Variants in SLCO4C1 observed in about 807,000 individuals in gnomAD.
SLCO4C1 encodes the protein organic anion transporter M1.
Under a neutral mutation model 72.1 loss-of-function variants are expected in SLCO4C1, and 58 were observed. The ratio of observed to expected loss-of-function variants is 0.80; its 90% confidence interval spans 0.65 to 1.00. The LOEUF (loss-of-function observed/expected upper bound fraction) is 1.00, where lower values mean the gene tolerates loss of function less well. Ranked by LOEUF, SLCO4C1 falls within the 50% of genes least tolerant of loss-of-function variation. SLCO4C1 has a pLI of 0.00. For missense variants in SLCO4C1, 898 were observed against 857.9 expected (o/e 1.05, Z -0.58); for synonymous variants, 297 against 312.5 (o/e 0.95, Z 0.52).
chr5:102,270,861 T>C, intron 2 of SLCO4C1, 55 bp from the exon 3 acceptor site: 3 of 1,358,198 alleles, frequency 2.2e-6, no homozygotes, highest in Non-Finnish European at 3.0e-6. Flanking sequence ...AATTTAAATT[T>C]CTATCATATA....
intron 2 of SLCO4C1, among the ~76,000 whole-genome samples, chr5:102,287,786 C>A (rs1222083541): frequency 6.6e-6 from 1 of 151,912 alleles, no homozygotes; most frequent in African/African-American, 2.4e-5. Flanking sequence ...GAACTCCTGA[C>A]CTTGTGATCC....
intron 9 of SLCO4C1, among the ~76,000 whole-genome samples, chr5:102,247,804 A>G (rs1044088756): frequency 5.3e-5 from 8 of 152,058 alleles, no homozygotes; most frequent in Admixed American, 2.0e-4. Context: ...CCATCCTTCC[A>G]TATCCTTTAT....
chr5:102,286,295 C>T (rs1285526313), intron 2 of SLCO4C1, among the ~76,000 whole-genome samples: 1 of 152,066 alleles, frequency 6.6e-6, no homozygotes, highest in Non-Finnish European at 1.5e-5. Flanking sequence ...AAGAGCTTTA[C>T]TAGGCTAAGT....
intron 8 of SLCO4C1, among the ~76,000 whole-genome samples, chr5:102,255,904 G>A (rs1483176200): frequency 6.6e-6 from 1 of 152,092 alleles, no homozygotes; most frequent in African/African-American, 2.4e-5. Flanking sequence ...AACAAATGTT[G>A]AACAAATGTA....
intron 6 of SLCO4C1, among the ~76,000 whole-genome samples, chr5:102,258,724 A>T (rs1019005336): frequency 2.0e-5 from 3 of 151,830 alleles, no homozygotes; most frequent in Non-Finnish European, 4.4e-5. Flanking sequence ...ATGCCAAAAA[A>T]TTTTTCATAA....
chr5:102,269,863 T>A (rs1413962574), intron 3 of SLCO4C1, among the ~76,000 whole-genome samples: 2 of 152,052 alleles, frequency 1.3e-5, no homozygotes, highest in African/African-American at 4.8e-5. Flanking sequence ...TAAGACATAT[T>A]CCTATAGATA....
At chr5:102,268,614 A>T (rs1749090018) in intron 3 of SLCO4C1, among the ~76,000 whole-genome samples, 1 of 152,082 alleles carries the variant, frequency 6.6e-6, no homozygotes, top group Non-Finnish European at 1.5e-5. Context: ...GTTATCATTG[A>T]TAATTGTTTT....
At position 102,290,900 on chromosome 5, in the gene SLCO4C1, G is replaced by A. The variant is rs138559826; in HGVS notation, c.619+443C>T. 3.3e-5 allele frequency among the ~76,000 whole-genome samples: 5 copies of A among 152,280 alleles called. No homozygotes were observed. In the East Asian group the frequency reaches 9.7e-4, roughly 29 times the overall value. ...TGTTTCTTATCTAGGTCCAAAAGTAGAGCTAGTTTCATTTCTTAGGAAAAT... is the reference window on the plus strand; with the variant it reads ...TGTTTCTTATCTAGGTCCAAAAGTAAAGCTAGTTTCATTTCTTAGGAAAAT... On this transcript the variant is annotated intron_variant, in intron 2 of 12. Transcript: ENST00000310954.
At chr5:102,274,284 T>G (rs1749206418) in intron 2 of SLCO4C1, among the ~76,000 whole-genome samples, 1 of 152,146 alleles carries the variant, frequency 6.6e-6, no homozygotes, top group Admixed American at 6.5e-5. Flanking sequence ...ACGTTGTTTA[T>G]AAATTTAGAG....
intron 8 of SLCO4C1, among the ~76,000 whole-genome samples, chr5:102,256,665 T>C (rs1748840862): frequency 1.3e-5 from 2 of 152,244 alleles, no homozygotes; most frequent in Non-Finnish European, 2.9e-5. Context: ...GTAGATACAA[T>C]AATGGTAAGT....
At chr5:102,249,862 A>G in intron 8 of SLCO4C1, 74 bp from the exon 9 acceptor site, 1 of 1,442,930 alleles carries the variant, frequency 6.9e-7, no homozygotes, top group Non-Finnish European at 9.5e-7. Context: ...GCACTGTTAT[A>G]TCTTACCATT....
intron 9 of SLCO4C1, among the ~76,000 whole-genome samples, chr5:102,248,271 T>C (rs1016053385): frequency 1.3e-5 from 2 of 152,132 alleles, no homozygotes; most frequent in Non-Finnish European, 2.9e-5. Context: ...GTATATTGCC[T>C]ATCTGAAATA....
chr5:102,236,979 A>T lies in SLCO4C1; in HGVS notation c.2054T>A (p.Phe685Tyr). ...AGGTGGTTTATACAAAAAGATTGCAAATCCATTGAAGAACATGGTGATAAC... is the reference window on the plus strand; with the variant it reads ...AGGTGGTTTATACAAAAAGATTGCATATCCATTGAAGAACATGGTGATAAC... ...CKVITMFFNG[F>Y]AIFLYKPPPS... Residue 685 changes from phenylalanine to tyrosine, a missense_variant, in exon 13 of 13, where the codon TTT becomes TAT. Physicochemically the swap from Phe to Tyr is conservative, Grantham distance 22. Transcript: ENST00000310954. The T allele has an allele frequency of 2.5e-6, 4 of 1,611,256 alleles. No homozygotes were observed. The East Asian group carries it at 8.9e-5, about 36-fold the overall frequency.
intron 10 of SLCO4C1, among the ~76,000 whole-genome samples, chr5:102,243,322 A>G (rs1326068985): frequency 6.6e-6 from 1 of 152,144 alleles, no homozygotes; most frequent in Non-Finnish European, 1.5e-5. Context: ...CCACTTGCTG[A>G]TTGTAGGGCC....
At chr5:102,268,180 T>C (rs1011635811) in intron 3 of SLCO4C1, among the ~76,000 whole-genome samples, 1 of 152,140 alleles carries the variant, frequency 6.6e-6, no homozygotes, top group Non-Finnish European at 1.5e-5. Flanking sequence ...GTGCTGGAAG[T>C]GGGGCATTAA....
chr5:102,293,560 G>A (rs1389046399), intron 1 of SLCO4C1, among the ~76,000 whole-genome samples: 1 of 152,168 alleles, frequency 6.6e-6, no homozygotes, highest in African/African-American at 2.4e-5. Context: ...TTTGAGAAAT[G>A]CTGGGTTAAA....
In SLCO4C1 at chr5:102,275,711, G is replaced by GT. The variant is rs546859773; in HGVS notation, c.620-4906dup. ...GGCAAACAAAGGCTTTGTGTGCTTC[G>GT]TAAATCTTCTTGGTTCTCGAATAAC... On this transcript the variant is annotated intron_variant, in intron 2 of 12. Coordinates refer to ENST00000310954, the MANE Select transcript of SLCO4C1 (RefSeq NM_180991.5). 1.1e-4 allele frequency among the ~76,000 whole-genome samples: 17 copies of GT among 152,194 alleles called. No homozygotes were observed. In the East Asian group the frequency reaches 2.9e-3, roughly 26 times the overall value.
intron 2 of SLCO4C1, among the ~76,000 whole-genome samples, chr5:102,287,086 C>A (rs1363652250): frequency 6.6e-6 from 1 of 152,066 alleles, no homozygotes; most frequent in Non-Finnish European, 1.5e-5. Flanking sequence ...TTAATAAAAT[C>A]ATTTATTAAT....
At chr5:102,267,652 T>A (rs1749067768) in intron 3 of SLCO4C1, among the ~76,000 whole-genome samples, 1 of 150,280 alleles carries the variant, frequency 6.7e-6, no homozygotes, top group South Asian at 2.1e-4. Flanking sequence ...TCTTTCCTTC[T>A]AATTTTGGGT....
Sources: gnomAD v4.1 joint callset for allele counts (sites outside exome capture counted in the v4.1 genomes callset) on GRCh38, gnomAD v4.1.1 for gene constraint, MANE v1.5 for transcripts, NCBI Gene and HGNC (gene_info 2026-07-23, HGNC 2026-07-21) for gene names.